Variants in OXCT1 observed in about 807,000 individuals in gnomAD.
OXCT1 encodes the protein 3-oxoacid CoA-transferase 1.
OXCT1 carries 27 observed loss-of-function variants against 69.6 expected under a neutral mutation model. That is an observed-to-expected ratio of 0.39 (90% CI 0.29 to 0.54). The LOEUF is 0.54. Ranked by LOEUF, OXCT1 falls within the 20% of genes least tolerant of loss-of-function variation. OXCT1 has a pLI of 0.72. For missense variants in OXCT1, 437 were observed against 650.2 expected (o/e 0.67, Z 3.57); for synonymous variants, 202 against 217.8 (o/e 0.93, Z 0.64).
At chr5:41,751,109 C>T (rs970835102) in intron 14 of OXCT1, among the ~76,000 whole-genome samples, 6 of 152,100 alleles carry the variant, frequency 3.9e-5, no homozygotes, top group Admixed American at 1.3e-4. Flanking sequence ...AAATTCTGCA[C>T]GACACAGAAG....
intron 7 of OXCT1, among the ~76,000 whole-genome samples, chr5:41,814,435 T>G (rs560716442): frequency 6.6e-6 from 1 of 152,070 alleles, no homozygotes; most frequent in African/African-American, 2.4e-5. Context: ...TGTATGTTTA[T>G]TGCGGCTCTA....
intron 13 of OXCT1, among the ~76,000 whole-genome samples, chr5:41,775,453 G>C (rs2088050): frequency 4.3e-4 from 65 of 152,202 alleles, no homozygotes; most frequent in African/African-American, 1.5e-3. Flanking sequence ...CAAGGTTTGA[G>C]GGCAGGAGCA....
chr5:41,768,742 A>G (rs1457123399), intron 13 of OXCT1, among the ~76,000 whole-genome samples: 1 of 152,158 alleles, frequency 6.6e-6, no homozygotes, highest in Admixed American at 6.5e-5. Flanking sequence ...ACTGGTCAAC[A>G]TGTGTCCAGC....
chr5:41,733,625 C>T (rs1742747944), intron 16 of OXCT1, among the ~76,000 whole-genome samples: 1 of 152,170 alleles, frequency 6.6e-6, no homozygotes, highest in African/African-American at 2.4e-5. Flanking sequence ...AAACTGGACA[C>T]ATTAATTTTT....
intron 4 of OXCT1, among the ~76,000 whole-genome samples, chr5:41,850,638 C>T (rs758270551): frequency 4.6e-5 from 7 of 151,830 alleles, no homozygotes; most frequent in Non-Finnish European, 8.8e-5. Context: ...TATTTTAAAC[C>T]ATTTTCATAA....
intron 14 of OXCT1, among the ~76,000 whole-genome samples, chr5:41,752,542 C>A (rs1047174452): frequency 6.6e-6 from 1 of 151,976 alleles, no homozygotes; most frequent in Non-Finnish European, 1.5e-5. Context: ...CACTTGAGGC[C>A]AGCAGTTCTA....
Position 41,766,321 on chromosome 5 carries a change from C to T in OXCT1, c.1249-4121G>A, listed in dbSNP as rs181750717. 1.8e-4 allele frequency among the ~76,000 whole-genome samples: 27 copies of T among 152,122 alleles called. No individual in the cohort carries two copies. The East Asian group carries it at 5.2e-3, about 29-fold the overall frequency. ...TTTCTAAAGATACTGATTCAAGTAT[C>T]CTCAATTCACAAGTATTTACTCAGA... is the stretch of plus-strand genomic sequence containing the variant. On this transcript the variant is annotated intron_variant, in intron 13 of 16. Coordinates refer to ENST00000196371, the MANE Select transcript of OXCT1 (RefSeq NM_000436.4).
intron 7 of OXCT1, among the ~76,000 whole-genome samples, chr5:41,809,966 T>C (rs906343311): frequency 4.6e-5 from 7 of 152,046 alleles, no homozygotes; most frequent in African/African-American, 1.4e-4. Flanking sequence ...TGAAAACGTC[T>C]ATACAAAAAT....
chr5:41,827,831 GA>G (rs938205827), intron 7 of OXCT1, among the ~76,000 whole-genome samples: 6 of 151,992 alleles, frequency 3.9e-5, no homozygotes, highest in African/African-American at 1.4e-4. Flanking sequence ...ACTGGTGGGG[GA>G]AAAAAAGAGT....
intron 7 of OXCT1, among the ~76,000 whole-genome samples, chr5:41,827,832 A>G (rs1269057611): frequency 6.6e-6 from 1 of 152,248 alleles, no homozygotes; most frequent in Middle Eastern, 3.4e-3. Context: ...CTGGTGGGGG[A>G]AAAAAAGAGT....
intron 5 of OXCT1, among the ~76,000 whole-genome samples, chr5:41,848,585 G>C (rs1749036238): frequency 6.8e-6 from 1 of 147,738 alleles, no homozygotes; most frequent in Admixed American, 6.8e-5. Context: ...CCAAAACAGA[G>C]ATATAGATCA....
rs1742578046 is a variant in OXCT1 at position 41,730,709 on chromosome 5, ACT to A, written c.*1018_*1019del. ...ATTCCCTGACACTAAAAGTTCACTG[ACT>A]CTTCAAATCCTAGACTTGTCCAACA... On this transcript the variant is annotated 3_prime_UTR_variant, in exon 17 of 17. Coordinates refer to ENST00000196371, the MANE Select transcript of OXCT1 (RefSeq NM_000436.4). 1 of 151,996 alleles carries A rather than the reference ACT, an allele frequency of 6.6e-6. No individual in the cohort carries two copies. The highest frequency in any genetic ancestry group is 6.6e-5 in the Admixed American group (1 of 15,258). 9.4% of individuals were successfully genotyped at this position (151,996 alleles called of 1,614,324 possible).
chr5:41,810,622 T>C (rs1383266399), intron 7 of OXCT1, among the ~76,000 whole-genome samples: 1 of 152,076 alleles, frequency 6.6e-6, no homozygotes, highest in African/African-American at 2.4e-5. Context: ...TTTAAAAGAT[T>C]GCTTTCTCTG....
intron 7 of OXCT1, among the ~76,000 whole-genome samples, chr5:41,831,708 T>C (rs774963619): frequency 2.0e-5 from 3 of 152,142 alleles, no homozygotes; most frequent in Non-Finnish European, 2.9e-5. Context: ...GAGATGGGGA[T>C]GTGAATGGGG....
intron 5 of OXCT1, among the ~76,000 whole-genome samples, chr5:41,845,646 G>A (rs1370412295): frequency 2.0e-5 from 3 of 151,718 alleles, no homozygotes; most frequent in Admixed American, 6.6e-5. Flanking sequence ...AAAAAACTAC[G>A]AGTTTGAGGC....
intron 9 of OXCT1, 35 bp downstream of exon 9, chr5:41,805,532 A>T (rs1277497307): frequency 1.4e-6 from 2 of 1,384,236 alleles, no homozygotes; most frequent in Admixed American, 1.7e-5. Flanking sequence ...AGCAAAGGCT[A>T]TGTCTTTGCC....
rs555704860 is a variant in OXCT1 at position 41,825,552 on chromosome 5, C to T, written c.732+14899G>A. 3.3e-5 allele frequency among the ~76,000 whole-genome samples: 5 copies of T among 152,338 alleles called. No homozygotes were observed. The South Asian group carries it at 1.0e-3, about 32-fold the overall frequency. Reference sequence around the variant, plus strand: ...GAAGAAAAGAAAACACTTCCTTCCACATAACTTACATTTTGGACCTTAAGT... The same window carrying T: ...GAAGAAAAGAAAACACTTCCTTCCATATAACTTACATTTTGGACCTTAAGT... On this transcript the variant is annotated intron_variant, in intron 7 of 16. Transcript: ENST00000196371.
intron 16 of OXCT1, among the ~76,000 whole-genome samples, chr5:41,737,868 G>A (rs915138309): frequency 7.2e-5 from 11 of 152,248 alleles, no homozygotes; most frequent in Admixed American, 3.9e-4. Context: ...ATCCTGGCTA[G>A]CACGGTGAAA....
At chr5:41,842,564 A>G (rs1276145995) in intron 6 of OXCT1, 111 bp downstream of exon 6, 2 of 800,864 alleles carry the variant, frequency 2.5e-6, no homozygotes, top group Non-Finnish European at 4.5e-6. Context: ...ACACATGGGC[A>G]TGTATGATTT....
Sources: allele counts gnomAD v4.1 joint callset (sites outside exome capture counted in the v4.1 genomes callset), GRCh38; gene constraint gnomAD v4.1.1; transcripts MANE v1.5; gene names NCBI Gene and HGNC (gene_info 2026-07-23, HGNC 2026-07-21).